The following TLL2 variants were observed in gnomAD, a reference collection of about 807,000 sequenced individuals.
TLL2 encodes tolloid-like protein 2.
Under a neutral mutation model 123.0 loss-of-function variants are expected in TLL2, and 106 were observed. That is an observed-to-expected ratio of 0.86 (90% CI 0.74 to 1.01). The LOEUF is 1.01. TLL2 is among the 50% of genes least tolerant of loss of function. The pLI, the probability that TLL2 is intolerant of heterozygous loss-of-function variation, is 0.00. For missense variants in TLL2, 1,332 were observed against 1,336.7 expected, an observed-to-expected ratio of 1.00 and a Z score of 0.06; for synonymous variants, 494 against 516.8, an observed-to-expected ratio of 0.96 and a Z score of 0.60.
rs1483463531 is a variant in TLL2, at chr10:96,366,400, AC to A, written c.*1687del. 2.6e-5 allele frequency: 4 copies of A among 152,818 alleles called. No individual in the cohort carries two copies. Among genetic ancestry groups the A allele is most frequent in the African/African-American group, 9.6e-5 (4 of 41,590 alleles). The allele number at this position is 152,818 out of a possible 1,614,324, so 9.5% of individuals were successfully genotyped here. A position where few individuals can be genotyped will look rare whatever the true frequency, so the allele number is the denominator to read the frequency against. On this transcript the variant is annotated 3_prime_UTR_variant, in exon 21 of 21. Coordinates refer to ENST00000357947, the MANE Select transcript of TLL2 (RefSeq NM_012465.4). ...CGAGGACCAGGGGTTGGCATTTTCC[AC>A]ACTGCATTGATTAAGGCTTTGACAG...
rs1382708093 is a variant in TLL2, at chr10:96,410,692, GCT to G, written c.1049-220_1049-219del. On this transcript the variant is annotated intron_variant, in intron 8 of 20. Transcript: ENST00000357947. ...GGAACGCCCAGGAATTTCTTCTGAG[GCT>G]CTCAGGACTGAGCATGGCCTAGAGG... The G allele has an allele frequency of 4.7e-6, 3 of 636,636 alleles. No homozygotes were observed. In the Admixed American group the frequency reaches 6.3e-5, roughly 13 times the overall value. 39.4% of individuals were successfully genotyped at this position (636,636 alleles called of 1,614,324 possible).
chr10:96,378,558 C>T lies in TLL2; in HGVS notation c.2320+409G>A, dbSNP rs3827863. Among the ~76,000 whole-genome samples, 21 of 152,330 alleles carry T rather than the reference C, an allele frequency of 1.4e-4. 1 individual carries two copies. The East Asian group carries it at 4.0e-3, about 29-fold the overall frequency. Reference sequence around the variant, plus strand: ...AACATGTGTCAGAGAGTCTGAAATACTTTCTAGGCATTCTTTTAATCCTCA... The same window carrying T: ...AACATGTGTCAGAGAGTCTGAAATATTTTCTAGGCATTCTTTTAATCCTCA... On this transcript the variant is annotated intron_variant, in intron 17 of 20. Transcript: ENST00000357947.
chr10:96,396,600 TG>T lies in TLL2; in HGVS notation c.1385-581del, dbSNP rs376174030. Among the ~76,000 whole-genome samples, 203 of 148,064 alleles carry T rather than the reference TG, an allele frequency of 1.4e-3. 3 individuals carry two copies. The highest frequency in any genetic ancestry group is 3.6e-3 in the African/African-American group (145 of 40,478). ...CCCTTTCTTTTTTTTTTTTTTTTTT[TG>T]GTAGAGGGTACGGTGGGGTGGGGAA... On this transcript the variant is annotated intron_variant, in intron 11 of 20. Transcript: ENST00000357947.
intron 10 of TLL2, among the ~76,000 whole-genome samples, chr10:96,399,242 C>A (rs1846370492): frequency 1.3e-5 from 2 of 152,166 alleles, no homozygotes; most frequent in Admixed American, 6.5e-5. Flanking sequence ...GACTGGTATA[C>A]TTTAAATGGT....
Position 96,376,741 on chromosome 10 carries a change from C to A in TLL2, c.2399G>T (p.Arg800Met). The change falls in exon 18 of 21, where the codon AGG becomes ATG. Residue 800 changes from arginine to methionine, a missense_variant. By Grantham distance (91) the Arg-to-Met change is moderately conservative. Transcript: ENST00000357947. ...CGAAGAGATGTTCCAGGTACACTCC[C>A]TCCGGCTGGGGTATTTGTCAGGCCA... ...PNWPDKYPSRRECTWNISSTA... is the reference protein window; with the variant it reads ...PNWPDKYPSRMECTWNISSTA... 6.2e-7 allele frequency: 1 copy of A among 1,607,236 alleles called. No homozygotes were observed. The highest frequency in any genetic ancestry group is 8.5e-7 in the Non-Finnish European group (1 of 1,177,266).
intron 2 of TLL2, among the ~76,000 whole-genome samples, chr10:96,458,175 A>G (rs1847036018): frequency 6.6e-6 from 1 of 151,986 alleles, no homozygotes; most frequent in Non-Finnish European, 1.5e-5. Context: ...GGAGACGGGG[A>G]GGAGAGCTGC....
rs117468395 is a variant in TLL2 at position 96,495,593 on chromosome 10, A to G, written c.176-15134T>C. On this transcript the variant is annotated intron_variant, in intron 1 of 20. Transcript: ENST00000357947. ...GGGTCTACAGCTCTATGCAACCACA[A>G]TAGTTTTTTTGTTTATTCTCAGGAC... Among the ~76,000 whole-genome samples the G allele has an allele frequency of 1.2e-3, 190 of 152,256 alleles. 1 individual carries two copies. The East Asian group carries it at 0.035, about 28-fold the overall frequency.
intron 13 of TLL2, among the ~76,000 whole-genome samples, chr10:96,388,642 C>T (rs1298464149): frequency 6.6e-6 from 1 of 152,182 alleles, no homozygotes; most frequent in Non-Finnish European, 1.5e-5. Flanking sequence ...AGTCTGACTC[C>T]TTACAACTTC....
chr10:96,478,603 A>G (rs1847281985), intron 2 of TLL2, among the ~76,000 whole-genome samples: 1 of 152,244 alleles, frequency 6.6e-6, no homozygotes, highest in South Asian at 2.1e-4. Context: ...CAACTGAAGA[A>G]CAAATAAACC....
At chr10:96,454,654 T>C (rs959994151) in intron 2 of TLL2, among the ~76,000 whole-genome samples, 1 of 152,186 alleles carries the variant, frequency 6.6e-6, no homozygotes, top group South Asian at 2.1e-4. Flanking sequence ...GCTTCTTGGC[T>C]GTACCCATTA....
At chr10:96,421,269 C>A (rs902454819) in intron 6 of TLL2, among the ~76,000 whole-genome samples, 2 of 152,172 alleles carry the variant, frequency 1.3e-5, no homozygotes, top group African/African-American at 4.8e-5. Flanking sequence ...AACCCCACCA[C>A]CCAAGACCTA....
At chr10:96,373,307 A>G in intron 19 of TLL2, 1 of 319,700 alleles carries the variant, frequency 3.1e-6, no homozygotes, top group South Asian at 3.0e-5. Context: ...ATGCCCAGCT[A>G]ATTTTGTATT....
intron 7 of TLL2, among the ~76,000 whole-genome samples, chr10:96,418,920 A>C (rs111254305): frequency 0.015 from 2,210 of 151,972 alleles, 60 homozygotes; most frequent in African/African-American, 0.05. Flanking sequence ...CAGAAACAAG[A>C]CCCAAGGAAA....
chr10:96,492,057 A>C (rs1185779832), intron 1 of TLL2, among the ~76,000 whole-genome samples: 6 of 152,100 alleles, frequency 3.9e-5, no homozygotes, highest in Admixed American at 1.3e-4. Flanking sequence ...CAGGATTTGC[A>C]CAGCACAGAT....
intron 1 of TLL2, among the ~76,000 whole-genome samples, chr10:96,492,021 CAAGGCT>C (rs1847418915): frequency 6.6e-6 from 1 of 152,114 alleles, no homozygotes; most frequent in African/African-American, 2.4e-5. Flanking sequence ...CCTTGCAGGG[CAAGGCT>C]CATCTCTGCA....
intron 15 of TLL2, 143 bp downstream of exon 15, chr10:96,385,912 A>G: frequency 1.2e-6 from 1 of 800,048 alleles, no homozygotes; most frequent in Non-Finnish European, 1.7e-6. Flanking sequence ...ACATTCCCCC[A>G]GATTCTGCTA....
intron 18 of TLL2, among the ~76,000 whole-genome samples, chr10:96,375,868 G>A (rs929426866): frequency 1.3e-5 from 2 of 152,136 alleles, no homozygotes; most frequent in African/African-American, 4.8e-5. Flanking sequence ...TCTACAGTCA[G>A]AAAAACCCAT....
chr10:96,370,731 C>T (rs1199565201), intron 19 of TLL2, among the ~76,000 whole-genome samples: 1 of 152,212 alleles, frequency 6.6e-6, no homozygotes, highest in East Asian at 1.9e-4. Context: ...CACCGACTGA[C>T]TGCAATTTGT....
intron 16 of TLL2, among the ~76,000 whole-genome samples, chr10:96,382,893 G>C (rs1846198587): frequency 6.6e-6 from 1 of 152,216 alleles, no homozygotes; most frequent in Admixed American, 6.5e-5. Context: ...GACTAAGATA[G>C]AGGAATAAGA....
Sources: allele counts gnomAD v4.1 joint callset (sites outside exome capture counted in the v4.1 genomes callset), GRCh38; gene constraint gnomAD v4.1.1; transcripts MANE v1.5; gene names NCBI Gene and HGNC (gene_info 2026-07-23, HGNC 2026-07-21).